Variants in PRCD observed in about 807,000 individuals in gnomAD.
PRCD encodes the protein photoreceptor disc component, also known as photoreceptor disk component PRCD.
Under a neutral mutation model 10.1 loss-of-function variants are expected in PRCD, and 12 were observed. The observed-to-expected ratio is 1.18, with a 90% CI of 0.76 to 1.92. The LOEUF (loss-of-function observed/expected upper bound fraction) is 1.92. Ranked by LOEUF, PRCD falls within the 40% of genes most tolerant of loss-of-function variation. The probability of loss-of-function intolerance (pLI) is 0.00; values close to 1 mark genes in which losing one functional copy is unlikely to be tolerated. For synonymous variants in PRCD, 31 were observed against 26.2 expected (o/e 1.18, Z -0.56); for missense variants, 61 against 72.2 (o/e 0.84, Z 0.56).
chr17:76,553,104 C>T (rs557391880), intron 1 of PRCD: 42 of 152,062 alleles, frequency 2.8e-4, no homozygotes, highest in African/African-American at 9.9e-4. Flanking sequence ...ACTCTGCCAT[C>T]GCAGTCCTTC....
Position 76,540,514 on chromosome 17 carries a change from C to A in PRCD, c.84C>A (p.Ser28Arg). The change falls in exon 2 of 5, where the codon AGC becomes AGA. Residue 28 changes from serine (S) to arginine (R), a missense_variant. Ser to Arg is a moderately radical substitution (Grantham distance 110). Transcript: ENST00000592014. The surrounding 1 kb of genome is among the most constrained non-coding windows in gnomAD (Gnocchi z 5.0). ...CTCTTGCCTCCCACAGAGAGCCCAG[C>A]GACGTGGATGGGGCAGCTAGGGGCA... ...RFANRVQPEPSDVDGAARGSS... is the reference protein window; with the variant it reads ...RFANRVQPEPRDVDGAARGSS... 2 of 1,613,398 alleles carry A rather than the reference C, an allele frequency of 1.2e-6. No individual in the cohort carries two copies. Among genetic ancestry groups the A allele is most frequent in the Non-Finnish European group, 1.7e-6 (2 of 1,179,840 alleles).
At position 76,531,355 on chromosome 17, in the gene PRCD, C is replaced by T. The variant is rs866028007; in HGVS notation, n.45+3522C>T. 13 of 1,409,338 alleles carry T rather than the reference C, an allele frequency of 9.2e-6. No individual in the cohort carries two copies. The highest frequency in any genetic ancestry group is 2.2e-4 in the Middle Eastern group (1 of 4,554). The allele number at this position is 1,409,338 out of a possible 1,614,324, so 87.3% of individuals were successfully genotyped here. ...CTGCCCCTCCCTCTCGCAGCCACTC[C>T]GGGGATCACCTCTGTTGCTCCAGAG... is the stretch of plus-strand genomic sequence containing the variant. On this transcript the variant is annotated intron_variant and non_coding_transcript_variant, in intron 1 of 4. Coordinates refer to the PRCD transcript ENST00000397633. This position sits in a 1 kb window ranked among gnomAD's most constrained non-coding sequence, Gnocchi z 7.4.
chr17:76,530,107 T>C lies in PRCD; in HGVS notation n.45+2274T>C. ...CTTTTCCATGGGAAACTGCTGGGAA[T>C]GTTTCTCTACCACGGGAATGTTTCT... On this transcript the variant is annotated intron_variant and non_coding_transcript_variant, in intron 1 of 4. Transcript: ENST00000397633. This position sits in a 1 kb window ranked among gnomAD's most constrained non-coding sequence, Gnocchi z 6.1. 2 of 983,072 alleles carry C rather than the reference T, an allele frequency of 2.0e-6. No homozygotes were observed. The highest frequency in any genetic ancestry group is 2.4e-6 in the Non-Finnish European group (2 of 829,342). 60.9% of individuals were successfully genotyped at this position (983,072 alleles called of 1,614,324 possible).
chr17:76,548,806 A>G (rs1283122946), downstream of PRCD, among the ~76,000 whole-genome samples: 1 of 152,244 alleles, frequency 6.6e-6, no homozygotes, highest in African/African-American at 2.4e-5. Flanking sequence ...TGCCACAAAC[A>G]ACCAGAAAAC....
At chr17:76,541,680 G>A (rs1009681823) in intron 2 of PRCD, among the ~76,000 whole-genome samples, 8 of 152,132 alleles carry the variant, frequency 5.3e-5, no homozygotes, top group African/African-American at 1.9e-4. Context: ...GTGCCTAATT[G>A]ATATCACTAG....
downstream of PRCD, among the ~76,000 whole-genome samples, chr17:76,548,571 G>A (rs937739248): frequency 5.9e-5 from 9 of 152,178 alleles, no homozygotes; most frequent in East Asian, 1.9e-4. Flanking sequence ...TCTGGACCTC[G>A]GTTTCCTCAT....
chr17:76,541,877 A>G (rs1412828008), intron 2 of PRCD, among the ~76,000 whole-genome samples: 1 of 152,160 alleles, frequency 6.6e-6, no homozygotes, highest in East Asian at 1.9e-4. Context: ...GTAAACTAGG[A>G]TTAATAACAG....
At chr17:76,538,401 A>G (rs2074947973), upstream of PRCD, 1 of 408,210 alleles carries the variant, frequency 2.4e-6, no homozygotes, top group South Asian at 1.7e-5. Context: ...CTCGGGCGCC[A>G]GAGGCCTGCG....
At chr17:76,553,180 TCA>T (rs2075127810) in exon 2 of PRCD, 1 of 152,090 alleles carries the variant, frequency 6.6e-6, no homozygotes, top group Non-Finnish European at 1.5e-5. Context: ...TCACTTCTTC[TCA>T]GTGTCCCAAA....
rs930845547 is a variant in PRCD, at chr17:76,530,433, T to G, written n.45+2600T>G. Among the ~76,000 whole-genome samples the G allele has an allele frequency of 5.9e-5, 9 of 152,280 alleles. No homozygotes were observed. The highest frequency in any genetic ancestry group is 5.9e-4 in the Admixed American group (9 of 15,302). On this transcript the variant is annotated intron_variant and non_coding_transcript_variant, in intron 1 of 4. Transcript: ENST00000397633. This position sits in a 1 kb window ranked among gnomAD's most constrained non-coding sequence, Gnocchi z 6.1. Reference sequence around the variant, plus strand: ...CTGGAAGTAAACATGCCCCTGCTCGTGTGCGTGTGAGCGACACCCATGTAG... The same window carrying G: ...CTGGAAGTAAACATGCCCCTGCTCGGGTGCGTGTGAGCGACACCCATGTAG...
intron 1 of PRCD, chr17:76,552,902 A>ATATT (rs2143232822): frequency 8.8e-6 from 1 of 113,952 alleles, no homozygotes; most frequent in East Asian, 2.2e-4. Context: ...ATATATAAAA[A>ATATT]TATATATATA....
At chr17:76,542,068 T>C (rs961617573) in intron 2 of PRCD, among the ~76,000 whole-genome samples, 2 of 152,194 alleles carry the variant, frequency 1.3e-5, no homozygotes, top group African/African-American at 4.8e-5. Context: ...CTTTGGTTAA[T>C]GGTTGTGGAA....
Position 76,545,371 on chromosome 17 carries a change from A to G in PRCD, c.*1721A>G, listed in dbSNP as rs2075044488. 2.2e-6 allele frequency: 1 copy of G among 456,498 alleles called. No individual in the cohort carries two copies. The highest frequency in any genetic ancestry group is 2.0e-5 in the African/African-American group (1 of 50,064). The allele number at this position is 456,498 out of a possible 1,614,324, so 28.3% of individuals were successfully genotyped here. On this transcript the variant is annotated 3_prime_UTR_variant, in exon 5 of 5. Coordinates refer to ENST00000592014, the MANE Select transcript of PRCD (RefSeq NM_001077620.3). ...GGGGGAATTAAATCCTGACTATGAC[A>G]CTGTCCCCACTGAGGCTGAGTCCTT...
chr17:76,552,879 AAAATATATATATATATATAAAAAT>A (rs2075121937), intron 1 of PRCD: 2 of 107,526 alleles, frequency 1.9e-5, no homozygotes, highest in Admixed American at 1.0e-4. Flanking sequence ...AAAAAAAAAA[AAAATATATATATATATATAAAAAT>A]ATATATATAT....
chr17:76,542,560 G>T lies in PRCD; in HGVS notation c.151G>T (p.Glu51Ter). ...ADPQSSGREKEPLK is the reference protein window; with the variant it reads ...ADPQSSGREK ...GTGCTTTCCTCTGTTTAGGGAGAAA[G>T]AACCTCTGAAGTAAGCCCTCACCTC... The change falls in exon 3 of 5, where the codon GAA becomes TAA. Residue 51 changes from glutamate to a stop codon, truncating the protein, a stop_gained. Coordinates refer to ENST00000592014, the MANE Select transcript of PRCD (RefSeq NM_001077620.3). LOFTEE classifies it high-confidence loss of function. 1 of 1,614,224 alleles carries T rather than the reference G, an allele frequency of 6.2e-7. No homozygotes were observed. The highest frequency in any genetic ancestry group is 8.5e-7 in the Non-Finnish European group (1 of 1,180,038).
At chr17:76,552,992 G>A (rs914504702) in intron 1 of PRCD, 3 of 150,292 alleles carry the variant, frequency 2.0e-5, no homozygotes, top group Admixed American at 6.7e-5. Context: ...ATGTATAAAT[G>A]TGTCTCTGAA....
rs956721193 is a variant in PRCD at position 76,540,826 on chromosome 17, T to C, written c.143+253T>C. Among the ~76,000 whole-genome samples, 3 of 152,068 alleles carry C rather than the reference T, an allele frequency of 2.0e-5. No individual in the cohort carries two copies. Among genetic ancestry groups the C allele is most frequent in the Non-Finnish European group, 4.4e-5 (3 of 68,002 alleles). On this transcript the variant is annotated intron_variant, in intron 2 of 4. Transcript: ENST00000592014. The surrounding 1 kb of genome is among the most constrained non-coding windows in gnomAD (Gnocchi z 5.0). ...GCCTCTCATCTCCAGCACGGGGCGGTCCCCCGGGGCACCTTCTGTCAGAAG... is the reference window on the plus strand; with the variant it reads ...GCCTCTCATCTCCAGCACGGGGCGGCCCCCCGGGGCACCTTCTGTCAGAAG...
upstream of PRCD, chr17:76,537,681 G>T (rs1460490640): frequency 1.3e-6 from 1 of 773,338 alleles, no homozygotes; most frequent in Non-Finnish European, 1.6e-6. Flanking sequence ...GGGAGGGAGC[G>T]TGTGTCTGTG....
chr17:76,546,113 G>A (rs1039069360), downstream of PRCD: 1 of 152,404 alleles, frequency 6.6e-6, no homozygotes, highest in Non-Finnish European at 1.5e-5. This position sits in a 1 kb window ranked among gnomAD's most constrained non-coding sequence, Gnocchi z 4.5. Context: ...GACAAGACGG[G>A]AGGCGCTGCC....
Sources: gnomAD v4.1 joint callset for allele counts (sites outside exome capture counted in the v4.1 genomes callset) on GRCh38, gnomAD v4.1.1 for gene constraint, Gnocchi (gnomAD v3.1) non-coding constraint, MANE v1.5 for transcripts, NCBI Gene and HGNC (gene_info 2026-07-23, HGNC 2026-07-21) for gene names.